Variants in RFC5 observed in about 807,000 individuals in gnomAD.
RFC5 encodes replication factor C subunit 5.
In RFC5, 26 loss-of-function variants were observed where a neutral mutation model predicts 44.3. The ratio of observed to expected loss-of-function variants is 0.59; its 90% CI spans 0.43 to 0.81. RFC5 has a LOEUF of 0.81. Among genes scored for constraint, RFC5 ranks in the 40% least tolerant of loss-of-function variants. The probability of loss-of-function intolerance (pLI) is 0.00; values close to 1 mark genes in which losing one functional copy is unlikely to be tolerated. For synonymous variants in RFC5, 155 were observed against 155.2 expected (o/e 1.00, Z 0.01); for missense variants, 328 against 418.6 (o/e 0.78, Z 1.89).
chr12:118,024,370 C>G (rs914383254), intron 5 of RFC5, among the ~76,000 whole-genome samples: 1 of 151,698 alleles, frequency 6.6e-6, no homozygotes, highest in Admixed American at 6.6e-5. Context: ...TGGCTAATCT[C>G]TGATCTGAAC....
At chr12:118,034,185 T>A (rs750852854), downstream of RFC5, 1 of 1,614,034 alleles carries the variant, frequency 6.2e-7, no homozygotes, top group Non-Finnish European at 8.5e-7. Context: ...AAGCACAAGA[T>A]GTGGTGTTGC....
At chr12:118,022,256 A>G (rs1467583246) in intron 4 of RFC5, 30 bp from the exon 5 acceptor site, 4 of 1,574,710 alleles carry the variant, frequency 2.5e-6, no homozygotes, top group Non-Finnish European at 2.6e-6. Context: ...GATTGAAGAA[A>G]TCTTTAGACA....
chr12:118,037,205 G>A (rs554887297), downstream of RFC5, among the ~76,000 whole-genome samples: 1 of 151,860 alleles, frequency 6.6e-6, no homozygotes, highest in Non-Finnish European at 1.5e-5. Flanking sequence ...GGTCAGAAGT[G>A]AAATCTGCGG....
downstream of RFC5, among the ~76,000 whole-genome samples, chr12:118,037,389 A>G (rs867854420): frequency 1.4e-4 from 21 of 152,172 alleles, no homozygotes; most frequent in African/African-American, 4.8e-4. Flanking sequence ...CCCTCAGGCC[A>G]GGCGCGGTGG....
At chr12:118,035,429 T>C, downstream of RFC5, 2 of 915,438 alleles carry the variant, frequency 2.2e-6, no homozygotes, top group Non-Finnish European at 1.7e-6. Flanking sequence ...ACAAAAGGGC[T>C]CAAGATGCAT....
intron 5 of RFC5, among the ~76,000 whole-genome samples, chr12:118,023,582 G>T (rs1424723701): frequency 6.6e-6 from 1 of 152,070 alleles, no homozygotes; most frequent in Non-Finnish European, 1.5e-5. Flanking sequence ...TCGGCATCTT[G>T]TTCTGCCGAG....
intron 1 of RFC5, chr12:118,017,620 G>T: frequency 2.9e-6 from 3 of 1,031,152 alleles, no homozygotes; most frequent in Non-Finnish European, 3.6e-6. Context: ...TGTCTTTATT[G>T]TGGTTAAAAA....
At chr12:118,030,985 A>T (rs1329117062) in intron 10 of RFC5, among the ~76,000 whole-genome samples, 197 bp from the exon 11 acceptor site, 1 of 152,216 alleles carries the variant, frequency 6.6e-6, no homozygotes, top group African/African-American at 2.4e-5. Flanking sequence ...GAAACATCAC[A>T]TTTATAAATC....
intron 5 of RFC5, among the ~76,000 whole-genome samples, chr12:118,022,712 G>A (rs930632090): frequency 1.3e-5 from 2 of 152,092 alleles, no homozygotes; most frequent in Admixed American, 6.6e-5. Flanking sequence ...TGATCCGCCC[G>A]CCTCGGCTTC....
At chr12:118,029,670 T>A in intron 9 of RFC5, 101 bp from the exon 10 acceptor site, 1 of 815,204 alleles carries the variant, frequency 1.2e-6, no homozygotes, top group Non-Finnish European at 2.2e-6. Flanking sequence ...GCCTCAGGAC[T>A]AGTTCAGTGT....
chr12:118,016,974 C>A (rs1472304942), intron 1 of RFC5, 82 bp downstream of exon 1: 1 of 1,150,886 alleles, frequency 8.7e-7, no homozygotes, highest in Non-Finnish European at 1.3e-6. Flanking sequence ...TGGCAGGTGA[C>A]CGGACCCCAA....
intron 9 of RFC5, among the ~76,000 whole-genome samples, chr12:118,028,621 G>A (rs2031116734): frequency 6.7e-6 from 1 of 148,508 alleles, no homozygotes; most frequent in African/African-American, 2.5e-5. Context: ...GCAGTAAGTA[G>A]TATATATTAA....
chr12:118,034,584 T>TCTCTCG, downstream of RFC5: 1 of 521,412 alleles, frequency 1.9e-6, no homozygotes, highest in Non-Finnish European at 3.3e-6. Flanking sequence ...GCTCTCTCTG[T>TCTCTCG]CTCTCTCTCG....
In RFC5 at chr12:118,025,011, G is replaced by T; in HGVS notation, c.581+1G>T. ...TGGAACATGTCGTGGAAGAAGAGAA[G>T]TGAGTATTTTGCGGGCCTTTGGGGA... On this transcript the variant is annotated splice_donor_variant, in intron 6 of 10. Coordinates refer to ENST00000454402, the MANE Select transcript of RFC5 (RefSeq NM_007370.7). LOFTEE classifies it high-confidence loss of function. The T allele has an allele frequency of 6.2e-7, 1 of 1,612,570 alleles. No homozygotes were observed. Among genetic ancestry groups the T allele is most frequent in the Non-Finnish European group, 8.5e-7 (1 of 1,179,560 alleles).
chr12:118,036,220 C>A (rs753700587), downstream of RFC5: 5 of 1,269,502 alleles, frequency 3.9e-6, no homozygotes, highest in Non-Finnish European at 5.5e-6. Flanking sequence ...CCCACTGTGC[C>A]TTTTTATCCA....
At chr12:118,023,622 G>A (rs1484647983) in intron 5 of RFC5, among the ~76,000 whole-genome samples, 1 of 152,052 alleles carries the variant, frequency 6.6e-6, no homozygotes, top group African/African-American at 2.4e-5. Flanking sequence ...ATCCCCATGT[G>A]AGAACATTGG....
Position 118,031,865 on chromosome 12 carries a change from A to G in RFC5, c.*587A>G, listed in dbSNP as rs2031340198. The G allele has an allele frequency of 6.6e-6, 1 of 152,222 alleles. No individual in the cohort carries two copies. Among genetic ancestry groups the G allele is most frequent in the South Asian group, 2.1e-4 (1 of 4,828 alleles). The allele number at this position is 152,222 out of a possible 1,614,324, so 9.4% of individuals were successfully genotyped here. A position where few individuals can be genotyped will look rare whatever the true frequency, so the allele number is the denominator to read the frequency against. Reference sequence around the variant, plus strand: ...AGCAGGTTCCAAATTGATGTGTATGATAGGAAAAAAACCTTAATTTTAAAT... The same window carrying G: ...AGCAGGTTCCAAATTGATGTGTATGGTAGGAAAAAAACCTTAATTTTAAAT... On this transcript the variant is annotated 3_prime_UTR_variant, in exon 11 of 11. Coordinates refer to ENST00000454402, the MANE Select transcript of RFC5 (RefSeq NM_007370.7).
chr12:118,038,465 G>GGGGCTGT, the RFC5 span: 1 of 1,388,696 alleles, frequency 7.2e-7, no homozygotes, highest in Non-Finnish European at 1.0e-6. Flanking sequence ...AACTGGGGTG[G>GGGGCTGT]TAACAGCCCC....
chr12:118,020,079 T>C (rs1028513629), intron 3 of RFC5, among the ~76,000 whole-genome samples: 2 of 152,186 alleles, frequency 1.3e-5, no homozygotes, highest in African/African-American at 4.8e-5. Flanking sequence ...ATTCTCCACG[T>C]TTCTCCACCA....
Sources: gnomAD v4.1 joint callset for allele counts (sites outside exome capture counted in the v4.1 genomes callset) on GRCh38, gnomAD v4.1.1 for gene constraint, MANE v1.5 for transcripts, NCBI Gene and HGNC (gene_info 2026-07-23, HGNC 2026-07-21) for gene names.